LCMT1: variants seen among roughly 807,000 people sequenced by gnomAD.
LCMT1 encodes [Phosphatase 2A protein]-leucine-carboxy methyltransferase 1.
LCMT1 carries 32 observed loss-of-function variants against 47.7 expected under a neutral mutation model. That is an observed-to-expected ratio of 0.67 (90% CI 0.51 to 0.90). LCMT1 has a LOEUF of 0.90. Ranked by LOEUF, LCMT1 falls within the 40% of genes least tolerant of loss-of-function variation. The pLI is 0.00. For missense variants in LCMT1, 375 were observed against 415.2 expected, an observed-to-expected ratio of 0.90 and a Z score of 0.84; for synonymous variants, 152 against 149.7, an observed-to-expected ratio of 1.02 and a Z score of -0.11.
chr16:25,138,592 A>C (rs1214261908), intron 3 of LCMT1, among the ~76,000 whole-genome samples: 1 of 152,100 alleles, frequency 6.6e-6, no homozygotes, highest in East Asian at 1.9e-4. Context: ...CACAAGAAGA[A>C]ATAAATGTTA....
chr16:25,122,531 G>T (rs1288406044), intron 1 of LCMT1, among the ~76,000 whole-genome samples: 1 of 151,900 alleles, frequency 6.6e-6, no homozygotes, highest in Non-Finnish European at 1.5e-5. Flanking sequence ...GTCTTACTTT[G>T]TTGCCCAGGC....
chr16:25,112,890 C>G (rs1335813343), intron 1 of LCMT1, among the ~76,000 whole-genome samples: 1 of 151,974 alleles, frequency 6.6e-6, no homozygotes, highest in Non-Finnish European at 1.5e-5. Context: ...CGCCTGTAAT[C>G]CCAGCACTTT....
intron 4 of LCMT1, 133 bp from the exon 5 acceptor site, chr16:25,151,421 C>T (rs1961076425): frequency 1.4e-6 from 1 of 732,112 alleles, no homozygotes; most frequent in Non-Finnish European, 2.3e-6. Flanking sequence ...TAGAGGGGCC[C>T]CTGCTTTGAA....
chr16:25,176,446 C>G (rs1272238525), intron 10 of LCMT1, among the ~76,000 whole-genome samples: 2 of 152,004 alleles, frequency 1.3e-5, no homozygotes, highest in African/African-American at 4.8e-5. Context: ...ATAATCAGCC[C>G]CTTTGGACCT....
chr16:25,156,975 AGG>A, intron 5 of LCMT1, among the ~76,000 whole-genome samples: 1 of 142,492 alleles, frequency 7.0e-6, no homozygotes, highest in Non-Finnish European at 1.5e-5. Context: ...GAAGGATCCT[AGG>A]AAAATCTGTG....
chr16:25,124,966 T>C (rs1038667218), intron 1 of LCMT1, among the ~76,000 whole-genome samples: 27 of 152,216 alleles, frequency 1.8e-4, no homozygotes, highest in Admixed American at 1.5e-3. Context: ...ATTGAACAGG[T>C]GGCATGTGAA....
At chr16:25,121,457 A>G (rs1264750145) in intron 1 of LCMT1, among the ~76,000 whole-genome samples, 3 of 152,158 alleles carry the variant, frequency 2.0e-5, no homozygotes, top group Non-Finnish European at 4.4e-5. Context: ...TTTCTCTTAA[A>G]AGGTTAATTT....
intron 1 of LCMT1, among the ~76,000 whole-genome samples, chr16:25,114,757 G>A (rs1424476077): frequency 6.6e-6 from 1 of 152,038 alleles, no homozygotes; most frequent in Non-Finnish European, 1.5e-5. Context: ...CTCTCCCGTG[G>A]CTCCTCCTCC....
At chr16:25,140,490 C>T (rs1960652489) in intron 4 of LCMT1, 3 of 471,320 alleles carry the variant, frequency 6.4e-6, no homozygotes, top group Middle Eastern at 5.6e-4. Flanking sequence ...ACAATTAACA[C>T]GAGGCCAACC....
intron 3 of LCMT1, 44 bp from the exon 4 acceptor site, chr16:25,140,127 A>G: frequency 7.1e-7 from 1 of 1,407,962 alleles, no homozygotes; most frequent in East Asian, 2.4e-5. Flanking sequence ...TGATCAGCAC[A>G]TGTAAGAGTA....
rs749349848 is a variant in LCMT1, at chr16:25,164,564, C to T, written c.570-34C>T. On this transcript the variant is annotated intron_variant, in intron 6 of 10. Coordinates refer to ENST00000399069, the MANE Select transcript of LCMT1 (RefSeq NM_016309.3). The stretch of plus-strand genomic sequence containing the variant: ...TTAGAGGGTCCTGACTTGATGATAA[C>T]AAATTTATGTGCCTTTTTTTCCTTA... The T allele has an allele frequency of 3.7e-6, 6 of 1,613,582 alleles. No individual in the cohort carries two copies. The East Asian group carries it at 1.1e-4, about 30-fold the overall frequency.
chr16:25,123,453 GA>G (rs1689477949), intron 1 of LCMT1, among the ~76,000 whole-genome samples: 1 of 151,822 alleles, frequency 6.6e-6, no homozygotes, highest in Admixed American at 6.6e-5. Flanking sequence ...TCAAAATCCT[GA>G]CCTCGGGTGA....
At chr16:25,124,851 T>C (rs1233964686) in intron 1 of LCMT1, among the ~76,000 whole-genome samples, 1 of 152,226 alleles carries the variant, frequency 6.6e-6, no homozygotes, top group Non-Finnish European at 1.5e-5. Flanking sequence ...CAGATGCTTA[T>C]CATTTTTGTA....
At chr16:25,116,260 TAGA>T (rs1230007379) in intron 1 of LCMT1, among the ~76,000 whole-genome samples, 1 of 152,226 alleles carries the variant, frequency 6.6e-6, no homozygotes, top group Non-Finnish European at 1.5e-5. Context: ...CTGTCTTTTC[TAGA>T]AGGAGATTTG....
chr16:25,128,642 C>T (rs1960260188), intron 2 of LCMT1, 76 bp downstream of exon 2: 5 of 1,090,728 alleles, frequency 4.6e-6, no homozygotes, highest in South Asian at 2.7e-5. Flanking sequence ...TGAAGGAAGT[C>T]GTGGTGTGCT....
At chr16:25,153,263 G>A (rs890794593) in intron 5 of LCMT1, among the ~76,000 whole-genome samples, 2 of 152,160 alleles carry the variant, frequency 1.3e-5, no homozygotes, top group South Asian at 2.1e-4. Context: ...GGTTTAGCTT[G>A]TTTTGTGCTT....
rs777682709 is a variant in LCMT1 at position 25,178,086 on chromosome 16, A to G, written c.*63A>G. 4 of 1,553,980 alleles carry G rather than the reference A, an allele frequency of 2.6e-6. No individual in the cohort carries two copies. The highest frequency in any genetic ancestry group is 2.7e-6 in the Non-Finnish European group (3 of 1,128,282). ...ACTTGCCCTCCTGGAGGAGACCTGC[A>G]AGCTCCCTGAGCGGTGGGCGGGCCT... is the stretch of plus-strand genomic sequence containing the variant. On this transcript the variant is annotated 3_prime_UTR_variant, in exon 11 of 11. Transcript: ENST00000399069.
chr16:25,157,659 G>C (rs902605913), intron 5 of LCMT1, among the ~76,000 whole-genome samples: 25 of 152,250 alleles, frequency 1.6e-4, no homozygotes. Context: ...ACAAACTGCT[G>C]CAAAGCATGT....
chr16:25,154,644 G>A (rs1301002312), intron 5 of LCMT1, among the ~76,000 whole-genome samples: 1 of 151,818 alleles, frequency 6.6e-6, no homozygotes, highest in Admixed American at 6.6e-5. Flanking sequence ...CCGCCACCAC[G>A]CCCGGCTAAT....
Sources: gnomAD v4.1 joint callset for allele counts (sites outside exome capture counted in the v4.1 genomes callset) on GRCh38, gnomAD v4.1.1 for gene constraint, MANE v1.5 for transcripts, NCBI Gene and HGNC (gene_info 2026-07-23, HGNC 2026-07-21) for gene names.